Variants in MITF observed in about 807,000 individuals in gnomAD.
MITF encodes microphthalmia-associated transcription factor.
A neutral mutation model predicts 60.5 loss-of-function variants in MITF; 17 were observed. The observed-to-expected ratio is 0.28, with a 90% CI of 0.19 to 0.42. The LOEUF (loss-of-function observed/expected upper bound fraction) is 0.42. Ranked by LOEUF, MITF falls within the 10% of genes least tolerant of loss-of-function variation. The pLI, the probability that MITF is intolerant of heterozygous loss-of-function variation, is 1.00. For synonymous variants in MITF, 260 were observed against 248.5 expected (o/e 1.05, Z -0.43); for missense variants, 622 against 683.5 (o/e 0.91, Z 1.00).
At chr3:69,938,180 C>A in intron 3 of MITF, 131 bp downstream of exon 3, 1 of 1,192,778 alleles carries the variant, frequency 8.4e-7, no homozygotes, top group Non-Finnish European at 1.2e-6. Flanking sequence ...GTCCCCGATT[C>A]ACCATCGTGG....
intron 1 of MITF, among the ~76,000 whole-genome samples, chr3:69,778,104 G>A (rs185926080): frequency 6.6e-6 from 1 of 152,204 alleles, no homozygotes; most frequent in East Asian, 1.9e-4. Flanking sequence ...AAGGAGAATC[G>A]TAGGGTGGGT....
chr3:69,788,710 A>G (rs1210629961), intron 1 of MITF, among the ~76,000 whole-genome samples: 1 of 152,202 alleles, frequency 6.6e-6, no homozygotes, highest in Non-Finnish European at 1.5e-5. Flanking sequence ...TTACAAAACT[A>G]CAATAATCAC....
chr3:69,899,370 T>G (rs893616503), intron 2 of MITF, among the ~76,000 whole-genome samples: 1 of 152,218 alleles, frequency 6.6e-6, no homozygotes, highest in Non-Finnish European at 1.5e-5. Flanking sequence ...CTCCCAGGAC[T>G]TAATCCTTAA....
chr3:69,740,101 G>A (rs2106734754), intron 1 of MITF, among the ~76,000 whole-genome samples: 1 of 152,278 alleles, frequency 6.6e-6, no homozygotes. Context: ...CCTTTCTGAA[G>A]ATCCCAGCGG....
rs571540517 is a variant in MITF, at chr3:69,967,277, A to T, written c.*2029A>T. Reference sequence around the variant, plus strand: ...AGGGAAAATTAGTTCCCATTCTTTCAACCCCCTTAACTGTATAGCTCTTTT... The same window carrying T: ...AGGGAAAATTAGTTCCCATTCTTTCTACCCCCTTAACTGTATAGCTCTTTT... On this transcript the variant is annotated 3_prime_UTR_variant, in exon 10 of 10. Transcript: ENST00000352241. 4.7e-4 allele frequency: 109 copies of T among 232,428 alleles called. No individual in the cohort carries two copies. Among genetic ancestry groups the T allele is most frequent in the Non-Finnish European group, 7.2e-4 (84 of 117,260 alleles). The allele number at this position is 232,428 out of a possible 1,614,324, so 14.4% of individuals were successfully genotyped here.
intron 1 of MITF, among the ~76,000 whole-genome samples, chr3:69,775,467 T>A (rs2062459034): frequency 6.6e-6 from 1 of 152,202 alleles, no homozygotes; most frequent in Admixed American, 6.5e-5. Flanking sequence ...TCTGTGGCCT[T>A]CTGGAATTTT....
chr3:69,833,374 T>C (rs2063483690), intron 1 of MITF, among the ~76,000 whole-genome samples: 1 of 152,240 alleles, frequency 6.6e-6, no homozygotes, highest in Non-Finnish European at 1.5e-5. Flanking sequence ...ATTTACACTG[T>C]ATGTGGTTGT....
intron 1 of MITF, among the ~76,000 whole-genome samples, chr3:69,781,486 A>T (rs1468623876): frequency 1.3e-5 from 2 of 152,158 alleles, no homozygotes; most frequent in Non-Finnish European, 2.9e-5. Flanking sequence ...TAAAGACGAC[A>T]CCAGCGAGCA....
At chr3:69,952,937 G>A (rs1196748004) in intron 7 of MITF, among the ~76,000 whole-genome samples, 1 of 152,132 alleles carries the variant, frequency 6.6e-6, no homozygotes, top group African/African-American at 2.4e-5. Context: ...CCCAACTGCT[G>A]TGTGTTTATG....
At chr3:69,826,342 A>T (rs1380322863) in intron 1 of MITF, among the ~76,000 whole-genome samples, 2 of 152,190 alleles carry the variant, frequency 1.3e-5, no homozygotes, top group Non-Finnish European at 2.9e-5. Context: ...TCTTTTGTTC[A>T]TGATTATGTT....
intron 1 of MITF, among the ~76,000 whole-genome samples, chr3:69,792,175 C>T (rs1387361833): frequency 6.6e-6 from 1 of 152,148 alleles, no homozygotes; most frequent in Non-Finnish European, 1.5e-5. Flanking sequence ...ATCAGAGAAA[C>T]GAAACAAAAC....
chr3:69,889,158 C>T (rs895151659), intron 2 of MITF, among the ~76,000 whole-genome samples: 1 of 146,786 alleles, frequency 6.8e-6, no homozygotes, highest in African/African-American at 2.5e-5. Flanking sequence ...CCCTTAGTAT[C>T]CAAGCACTGT....
intron 1 of MITF, among the ~76,000 whole-genome samples, chr3:69,860,243 C>T (rs1354544282): frequency 6.6e-6 from 1 of 152,128 alleles, no homozygotes; most frequent in East Asian, 1.9e-4. Context: ...AGGGATTAAT[C>T]CGTGGTATTG....
chr3:69,885,420 G>A (rs2064589916), intron 2 of MITF, among the ~76,000 whole-genome samples: 2 of 152,038 alleles, frequency 1.3e-5, no homozygotes, highest in Non-Finnish European at 1.5e-5. Flanking sequence ...AAGGTCTGGG[G>A]CCTGGAAGTG....
At chr3:69,767,782 A>T (rs1363643975) in intron 1 of MITF, among the ~76,000 whole-genome samples, 1 of 152,066 alleles carries the variant, frequency 6.6e-6, no homozygotes, top group Non-Finnish European at 1.5e-5. Flanking sequence ...TGGCTGCCAA[A>T]TGAAGAATGG....
At chr3:69,759,008 G>T (rs1176545232) in intron 1 of MITF, among the ~76,000 whole-genome samples, 1 of 152,012 alleles carries the variant, frequency 6.6e-6, no homozygotes, top group Admixed American at 6.6e-5. Context: ...TACTGCTATT[G>T]GTGCTAAAGA....
At chr3:69,944,380 G>A (rs1490798053) in intron 5 of MITF, among the ~76,000 whole-genome samples, 3 of 152,030 alleles carry the variant, frequency 2.0e-5, no homozygotes, top group African/African-American at 4.8e-5. Context: ...GAGCAGAGAG[G>A]CCATCTCAAG....
rs745460313 is a variant in MITF at position 69,937,961 on chromosome 3, G to T, written c.494G>T (p.Gly165Val). The change falls in exon 3 of 10, where the codon GGC (glycine) becomes GTC (valine). Residue 165 changes from glycine (G) to valine (V), a missense_variant. Physicochemically the swap from Gly to Val is moderately radical, Grantham distance 109. Around this residue, in one of 5 missense-constraint regions of MITF, gnomAD observed 215 missense variants for 224.8 expected, o/e 0.96. Transcript: ENST00000352241. ...VLSLPCPNQP[G>V]DHVMPPVPGS... ...AGCTTGCCATGTCCAAACCAGCCTG[G>T]CGATCATGTCATGCCACCGGTGCCG... The T allele has an allele frequency of 1.7e-5, 28 of 1,614,148 alleles. No individual in the cohort carries two copies. In the East Asian group the frequency reaches 6.0e-4, roughly 35 times the overall value.
At chr3:69,832,771 G>GT (rs1157602443) in intron 1 of MITF, among the ~76,000 whole-genome samples, 1 of 152,020 alleles carries the variant, frequency 6.6e-6, no homozygotes, top group Non-Finnish European at 1.5e-5. Context: ...CACTATATGT[G>GT]TTTTTTTGCC....
Sources: gnomAD v4.1 joint callset for allele counts (sites outside exome capture counted in the v4.1 genomes callset) on GRCh38, gnomAD v4.1.1 for gene constraint, gnomAD v4.1.1 regional missense constraint, MANE v1.5 for transcripts, NCBI Gene and HGNC (gene_info 2026-07-23, HGNC 2026-07-21) for gene names.